DIRAS2: variants seen among roughly 807,000 people sequenced by gnomAD.
DIRAS2 encodes the protein GTP-binding protein Di-Ras2.
In DIRAS2, 5 loss-of-function variants were observed where a neutral mutation model predicts 13.9. That is an observed-to-expected ratio of 0.36 (90% confidence interval 0.19 to 0.76). The LOEUF is 0.76. Ranked by LOEUF, DIRAS2 falls within the 30% of genes least tolerant of loss-of-function variation. The pLI is 0.53. For missense variants in DIRAS2, 191 were observed against 263.0 expected (o/e 0.73, Z 1.89); for synonymous variants, 111 against 105.4 (o/e 1.05, Z -0.33).
rs1213573578 is a variant in DIRAS2, at chr9:90,611,966, A to G, written c.*1262T>C. On this transcript the variant is annotated 3_prime_UTR_variant, in exon 2 of 2. Coordinates refer to ENST00000375765, the MANE Select transcript of DIRAS2 (RefSeq NM_017594.5). ...CCAGCCACCATCCTATCCCCAAGCT[A>G]ACACAGGAAACCTGAAATAGCTGTA... 1 of 152,262 alleles carries G rather than the reference A, an allele frequency of 6.6e-6. No homozygotes were observed. The highest frequency in any genetic ancestry group is 1.5e-5 in the Non-Finnish European group (1 of 68,048). The allele number at this position is 152,262 out of a possible 1,614,324, so 9.4% of individuals were successfully genotyped here.
At chr9:90,614,633 C>T (rs1344775759) in intron 1 of DIRAS2, among the ~76,000 whole-genome samples, 1 of 151,974 alleles carries the variant, frequency 6.6e-6, no homozygotes, top group South Asian at 2.1e-4. Flanking sequence ...GTGACTTGGG[C>T]GTTACTCAGG....
rs1321461342 is a variant in DIRAS2 at position 90,611,198 on chromosome 9, A to G, written c.*2030T>C. Reference sequence around the variant, plus strand: ...AACAAATGTTCCAGAAAATCCGCCAACTAAAGATCTCATTGCGAATGCTGT... The same window carrying G: ...AACAAATGTTCCAGAAAATCCGCCAGCTAAAGATCTCATTGCGAATGCTGT... On this transcript the variant is annotated 3_prime_UTR_variant, in exon 2 of 2. Transcript: ENST00000375765. 1.3e-5 allele frequency: 2 copies of G among 152,222 alleles called. No individual in the cohort carries two copies. The highest frequency in any genetic ancestry group is 2.9e-5 in the Non-Finnish European group (2 of 68,032). 9.4% of individuals were successfully genotyped at this position (152,222 alleles called of 1,614,324 possible).
Position 90,638,635 on chromosome 9 carries a change from CAT to C in DIRAS2, c.-37+4115_-37+4116del, listed in dbSNP as rs924851253. 5.9e-5 allele frequency among the ~76,000 whole-genome samples: 8 copies of C among 135,204 alleles called. No homozygotes were observed. The East Asian group carries it at 7.8e-4, about 13-fold the overall frequency. 88.7% of individuals were successfully genotyped at this position (135,204 alleles called of 152,430 possible). On this transcript the variant is annotated intron_variant, in intron 1 of 1. Transcript: ENST00000375765. ...GGAGGCAATGAAATACTCCATTGAT[CAT>C]GTGTGTGTGTGTGTGTGTGTGTGTG... is the stretch of plus-strand genomic sequence containing the variant.
In DIRAS2 at chr9:90,612,880, G is replaced by A. The variant is rs1587717843; in HGVS notation, c.*348C>T. On this transcript the variant is annotated 3_prime_UTR_variant, in exon 2 of 2. Coordinates refer to ENST00000375765, the MANE Select transcript of DIRAS2 (RefSeq NM_017594.5). ...TAGGTTAACACGCTCTCACATGCAC[G>A]TAGATGACATTTAGTCCTCTCGGTA... 7.1e-6 allele frequency: 2 copies of A among 280,928 alleles called. No homozygotes were observed. Among genetic ancestry groups the A allele is most frequent in the South Asian group, 4.3e-5 (1 of 23,060 alleles). The allele number at this position is 280,928 out of a possible 1,614,324, so 17.4% of individuals were successfully genotyped here.
At position 90,613,392 on chromosome 9, in the gene DIRAS2, C is replaced by T. The variant is rs759573694; in HGVS notation, c.436G>A (p.Ala146Thr). 6.2e-7 allele frequency: 1 copy of T among 1,614,130 alleles called. No homozygotes were observed. ...AGCTTGGCTGAGGTCTCCATGAAGG[C>T]ACACTTCCATGTGCGGGCCAAGGCC... is the stretch of plus-strand genomic sequence containing the variant. ...AEALARTWKC[A>T]FMETSAKLNH... is the part of the protein sequence containing the mutation. Residue 146 changes from alanine (A) to threonine (T), a missense_variant, in exon 2 of 2, where the codon GCC becomes ACC. Ala to Thr is a moderately conservative substitution (Grantham distance 58). Coordinates refer to ENST00000375765, the MANE Select transcript of DIRAS2 (RefSeq NM_017594.5). The surrounding 1 kb of genome is among the most constrained non-coding windows in gnomAD (Gnocchi z 5.6).
In DIRAS2 at chr9:90,613,404, T is replaced by C. The variant is rs1430105570; in HGVS notation, c.424A>G (p.Thr142Ala). ...QSSEAEALARTWKCAFMETSA... is the reference protein window; with the variant it reads ...QSSEAEALARAWKCAFMETSA... Reference sequence around the variant, plus strand: ...GTCTCCATGAAGGCACACTTCCATGTGCGGGCCAAGGCCTCCGCCTCGCTG... The same window carrying C: ...GTCTCCATGAAGGCACACTTCCATGCGCGGGCCAAGGCCTCCGCCTCGCTG... Residue 142 changes from threonine (T) to alanine (A), a missense_variant, in exon 2 of 2, where the codon ACA (threonine) becomes GCA (alanine). Physicochemically the swap from Thr to Ala is moderately conservative, Grantham distance 58. Transcript: ENST00000375765. This position sits in a 1 kb window ranked among gnomAD's most constrained non-coding sequence, Gnocchi z 5.6. The C allele has an allele frequency of 1.2e-6, 2 of 1,614,036 alleles. No homozygotes were observed. Among genetic ancestry groups the C allele is most frequent in the African/African-American group, 2.7e-5 (2 of 74,912 alleles).
intron 1 of DIRAS2, among the ~76,000 whole-genome samples, chr9:90,614,569 A>G (rs1034304216): frequency 1.3e-5 from 2 of 152,158 alleles, no homozygotes; most frequent in African/African-American, 4.8e-5. Flanking sequence ...CAACCAAAGC[A>G]TTGTGGATGT....
rs761066904 is a variant in DIRAS2 at position 90,613,824 on chromosome 9, G to C, written c.4C>G (p.Pro2Ala). The change falls in exon 2 of 2, where the codon CCT (proline) becomes GCT (alanine). Residue 2 changes from proline (P) to alanine (A), a missense_variant. Coordinates refer to ENST00000375765, the MANE Select transcript of DIRAS2 (RefSeq NM_017594.5). This position sits in a 1 kb window ranked among gnomAD's most constrained non-coding sequence, Gnocchi z 5.6. The part of the protein sequence containing the change: M[P>A]EQSNDYRVAV... ...ACCCGGTAATCGTTACTCTGCTCAGGCATGTTGCTGGAGAGCTCCAACTCT... is the reference window on the plus strand; with the variant it reads ...ACCCGGTAATCGTTACTCTGCTCAGCCATGTTGCTGGAGAGCTCCAACTCT... 6.2e-7 allele frequency: 1 copy of C among 1,610,948 alleles called. No individual in the cohort carries two copies. Among genetic ancestry groups the C allele is most frequent in the Middle Eastern group, 1.7e-4 (1 of 6,052 alleles).
chr9:90,629,548 C>T (rs1376367451), intron 1 of DIRAS2, among the ~76,000 whole-genome samples: 1 of 151,488 alleles, frequency 6.6e-6, no homozygotes, highest in Non-Finnish European at 1.5e-5. Context: ...AAACTGCTGA[C>T]GGTGTGAAAA....
chr9:90,622,232 G>A (rs1366057782), intron 1 of DIRAS2, among the ~76,000 whole-genome samples: 1 of 152,114 alleles, frequency 6.6e-6, no homozygotes, highest in Non-Finnish European at 1.5e-5. Flanking sequence ...AGCCTGGGCA[G>A]CAGAGCAAGA....
intron 1 of DIRAS2, among the ~76,000 whole-genome samples, chr9:90,638,095 C>T (rs879365220): frequency 6.6e-6 from 1 of 152,140 alleles, no homozygotes; most frequent in Admixed American, 6.5e-5. Flanking sequence ...TTGAGTTCAT[C>T]CTTAAAAAGT....
At chr9:90,634,457 A>G (rs775662265) in intron 1 of DIRAS2, among the ~76,000 whole-genome samples, 74 of 152,320 alleles carry the variant, frequency 4.9e-4, no homozygotes, top group Non-Finnish European at 7.5e-4. Flanking sequence ...CAGTCCTAAT[A>G]CCTGAGGAGC....
At chr9:90,619,788 A>G (rs1457265789) in intron 1 of DIRAS2, among the ~76,000 whole-genome samples, 2 of 152,236 alleles carry the variant, frequency 1.3e-5, no homozygotes, top group East Asian at 3.8e-4. Context: ...AAAAAGTGGA[A>G]ACAGCACAAA....
rs1825122796 is a variant in DIRAS2 at position 90,612,380 on chromosome 9, T to C, written c.*848A>G. On this transcript the variant is annotated 3_prime_UTR_variant, in exon 2 of 2. Coordinates refer to ENST00000375765, the MANE Select transcript of DIRAS2 (RefSeq NM_017594.5). ...GTCTAAAAATAGTGAGTTTATTTGC[T>C]TGTATTTAAAATCTGAGGGCTGAAA... The C allele has an allele frequency of 6.5e-6, 1 of 152,676 alleles. No individual in the cohort carries two copies. The highest frequency in any genetic ancestry group is 1.5e-5 in the Non-Finnish European group (1 of 68,046). The allele number at this position is 152,676 out of a possible 1,614,324, so 9.5% of individuals were successfully genotyped here.
In DIRAS2 at chr9:90,612,537, G is replaced by A. The variant is rs987833216; in HGVS notation, c.*691C>T. 1.3e-5 allele frequency: 2 copies of A among 152,264 alleles called. No homozygotes were observed. Among genetic ancestry groups the A allele is most frequent in the Non-Finnish European group, 2.9e-5 (2 of 68,112 alleles). The allele number at this position is 152,264 out of a possible 1,614,324, so 9.4% of individuals were successfully genotyped here. The stretch of plus-strand genomic sequence containing the variant: ...CTCACTTAAAAACTGAAGAACTTCC[G>A]ACAGAGCAGCACACTGTTAGTGCAC... On this transcript the variant is annotated 3_prime_UTR_variant, in exon 2 of 2. Transcript: ENST00000375765.
chr9:90,618,162 T>C (rs1489280978), intron 1 of DIRAS2, among the ~76,000 whole-genome samples: 1 of 152,194 alleles, frequency 6.6e-6, no homozygotes, highest in East Asian at 1.9e-4. Flanking sequence ...ACTTCCTGAT[T>C]TCAAACTCAC....
intron 1 of DIRAS2, among the ~76,000 whole-genome samples, chr9:90,624,125 TG>T (rs1255132381): frequency 6.6e-6 from 1 of 152,224 alleles, no homozygotes; most frequent in East Asian, 1.9e-4. Context: ...TATTTGAAGT[TG>T]GTACATGGGA....
At chr9:90,619,179 C>T (rs995131243) in intron 1 of DIRAS2, among the ~76,000 whole-genome samples, 6 of 152,066 alleles carry the variant, frequency 3.9e-5, no homozygotes, top group African/African-American at 1.2e-4. Context: ...GTGGCTCATG[C>T]CAGTAATCCC....
At position 90,610,541 on chromosome 9, in the gene DIRAS2, G is replaced by T. The variant is rs1825102027; in HGVS notation, c.*2687C>A. On this transcript the variant is annotated 3_prime_UTR_variant, in exon 2 of 2. Transcript: ENST00000375765. ...TTAAATATTAACTTATTCTGCCTGG[G>T]TCAAAAACTGCTATGCCCATATGCA... The T allele has an allele frequency of 2.5e-6, 1 of 397,316 alleles. No homozygotes were observed. The highest frequency in any genetic ancestry group is 1.3e-4 in the South Asian group (1 of 7,572). 24.6% of individuals were successfully genotyped at this position (397,316 alleles called of 1,614,324 possible).
Sources: gnomAD v4.1 joint callset for allele counts (sites outside exome capture counted in the v4.1 genomes callset) on GRCh38, gnomAD v4.1.1 for gene constraint, Gnocchi (gnomAD v3.1) non-coding constraint, MANE v1.5 for transcripts, NCBI Gene and HGNC (gene_info 2026-07-23, HGNC 2026-07-21) for gene names.